The following GRK3 variants were observed in gnomAD, a reference collection of about 807,000 sequenced individuals.
GRK3 encodes adrenergic, beta, receptor kinase 2.
In GRK3, 54 loss-of-function variants were observed where a neutral mutation model predicts 95.7. That is an observed-to-expected ratio of 0.56 (90% CI 0.45 to 0.71). The LOEUF (loss-of-function observed/expected upper bound fraction) is 0.71, where lower values mean the gene tolerates loss of function less well. Among genes scored for constraint, GRK3 ranks in the 30% least tolerant of loss-of-function variants. GRK3 has a pLI of 0.00. For missense variants in GRK3, 649 were observed against 851.2 expected (o/e 0.76, Z 2.96); for synonymous variants, 281 against 290.8 (o/e 0.97, Z 0.34).
At chr22:25,572,119 G>C (rs1488008867) in intron 1 of GRK3, among the ~76,000 whole-genome samples, 2 of 149,172 alleles carry the variant, frequency 1.3e-5, no homozygotes, top group East Asian at 4.0e-4. Context: ...TTGGTTTTCT[G>C]TTCCTGTGTT....
At chr22:25,567,592 A>G (rs1285970799) in intron 1 of GRK3, among the ~76,000 whole-genome samples, 3 of 152,182 alleles carry the variant, frequency 2.0e-5, no homozygotes, top group Admixed American at 1.3e-4. Context: ...ATAAGTTTCT[A>G]TTTCAGCTTC....
At chr22:25,693,106 G>T (rs2085178197) in intron 12 of GRK3, among the ~76,000 whole-genome samples, 1 of 152,214 alleles carries the variant, frequency 6.6e-6, no homozygotes, top group African/African-American at 2.4e-5. Flanking sequence ...AACTTTTGGA[G>T]CTGAGCAGAT....
intron 1 of GRK3, among the ~76,000 whole-genome samples, chr22:25,590,576 T>C (rs1395130559): frequency 2.6e-5 from 4 of 152,096 alleles, no homozygotes; most frequent in Non-Finnish European, 5.9e-5. Flanking sequence ...AATCCTAGCA[T>C]TTTGGAAGGC....
intron 2 of GRK3, 54 bp downstream of exon 2, chr22:25,604,507 G>A (rs1369601139): frequency 5.5e-6 from 7 of 1,273,946 alleles, no homozygotes; most frequent in South Asian, 1.3e-5. Flanking sequence ...GAAATTGGGC[G>A]ATACTATAGT....
rs1376619111 is a variant in GRK3 at position 25,664,821 on chromosome 22, C to A, written c.441+1117C>A. On this transcript the variant is annotated intron_variant, in intron 5 of 20. Coordinates refer to ENST00000324198, the MANE Select transcript of GRK3 (RefSeq NM_005160.4). ...GGCATGAGCCACCATGCCCGGCCAA[C>A]TTTGGCATCTTATGATGGTGTTTAT... Among the ~76,000 whole-genome samples the A allele has an allele frequency of 5.3e-5, 8 of 152,080 alleles. No homozygotes were observed. In the East Asian group the frequency reaches 1.5e-3, roughly 29 times the overall value.
intron 2 of GRK3, among the ~76,000 whole-genome samples, chr22:25,614,205 G>A (rs1413590035): frequency 2.0e-5 from 3 of 152,048 alleles, no homozygotes; most frequent in Non-Finnish European, 4.4e-5. Flanking sequence ...TCAGCTCACT[G>A]CAGCCTCAAC....
intron 1 of GRK3, among the ~76,000 whole-genome samples, chr22:25,588,394 G>A (rs182284864): frequency 2.6e-5 from 4 of 152,334 alleles, no homozygotes; most frequent in African/African-American, 7.2e-5. Flanking sequence ...AACATAGATT[G>A]TCCTGTGCTG....
intron 3 of GRK3, among the ~76,000 whole-genome samples, chr22:25,653,699 A>G (rs193000437): frequency 6.6e-6 from 1 of 152,288 alleles, no homozygotes; most frequent in African/African-American, 2.4e-5. Flanking sequence ...TAGAATTCAC[A>G]TTCTTTTTTT....
chr22:25,726,402 T>C lies in GRK3; in HGVS notation c.*3952T>C, dbSNP rs2085474408. 6.6e-6 allele frequency: 1 copy of C among 152,248 alleles called. No individual in the cohort carries two copies. The highest frequency in any genetic ancestry group is 1.5e-5 in the Non-Finnish European group (1 of 68,054). 9.4% of individuals were successfully genotyped at this position (152,248 alleles called of 1,614,324 possible). On this transcript the variant is annotated 3_prime_UTR_variant, in exon 21 of 21. Coordinates refer to ENST00000324198, the MANE Select transcript of GRK3 (RefSeq NM_005160.4). ...ATGTGCTGGTGTAAGATAAGAGTTA[T>C]CTTGTATGATTTAATCATATGCAGT...
chr22:25,576,208 A>T (rs1213849737), intron 1 of GRK3, among the ~76,000 whole-genome samples: 3 of 151,778 alleles, frequency 2.0e-5, no homozygotes, highest in African/African-American at 7.3e-5. Flanking sequence ...CCCTTGTGGG[A>T]AGCAAAACGA....
At chr22:25,589,589 C>G (rs1307129125) in intron 1 of GRK3, among the ~76,000 whole-genome samples, 1 of 152,030 alleles carries the variant, frequency 6.6e-6, no homozygotes, top group African/African-American at 2.4e-5. Flanking sequence ...AAGTAATAAC[C>G]CTGGACTCTG....
At chr22:25,582,012 G>A (rs1192950042) in intron 1 of GRK3, among the ~76,000 whole-genome samples, 1 of 152,084 alleles carries the variant, frequency 6.6e-6, no homozygotes, top group African/African-American at 2.4e-5. Context: ...GCTGGGCGCG[G>A]TGGCCTGTAA....
At chr22:25,676,733 A>G (rs2085032906) in intron 8 of GRK3, among the ~76,000 whole-genome samples, 1 of 152,132 alleles carries the variant, frequency 6.6e-6, no homozygotes, top group Non-Finnish European at 1.5e-5. Flanking sequence ...CTCTTTGTAC[A>G]CATTTACTAT....
Position 25,721,331 on chromosome 22 carries a change from A to T in GRK3, c.1839A>T (p.Gln613His). The T allele has an allele frequency of 6.2e-7, 1 of 1,607,840 alleles. No individual in the cohort carries two copies. The stretch of plus-strand genomic sequence containing the variant: ...AGATTCTCTCTGTGGAAGAAACTCA[A>T]ATTAAAGACAAAAAATGCATTTTGT... ...MEQILSVEET[Q>H]IKDKKCILFR... The change falls in exon 20 of 21, where the codon CAA (glutamine) becomes CAT (histidine). Residue 613 changes from glutamine (Q) to histidine (H), a missense_variant. Physicochemically the swap from Gln to His is conservative, Grantham distance 24. Transcript: ENST00000324198.
intron 3 of GRK3, among the ~76,000 whole-genome samples, chr22:25,656,241 G>A (rs1601505648): frequency 6.6e-6 from 1 of 152,056 alleles, no homozygotes; most frequent in East Asian, 1.9e-4. Context: ...AATAAATAAT[G>A]GGAAAGAGAA....
chr22:25,594,076 G>A (rs1932587528), intron 1 of GRK3, among the ~76,000 whole-genome samples: 1 of 152,006 alleles, frequency 6.6e-6, no homozygotes, highest in South Asian at 2.1e-4. Flanking sequence ...GATTACTTTG[G>A]CTATTTGGGC....
intron 12 of GRK3, among the ~76,000 whole-genome samples, chr22:25,692,618 A>C (rs2085173715): frequency 6.6e-6 from 1 of 152,216 alleles, no homozygotes; most frequent in South Asian, 2.1e-4. Flanking sequence ...TGTGTCACTC[A>C]CTGAATATCC....
At chr22:25,721,687 C>T (rs567150523) in intron 20 of GRK3, among the ~76,000 whole-genome samples, 2 of 152,164 alleles carry the variant, frequency 1.3e-5, no homozygotes, top group East Asian at 1.9e-4. Flanking sequence ...GAAGATTTTT[C>T]GGCATGTTCG....
At chr22:25,713,346 G>T (rs6004744) in intron 17 of GRK3, among the ~76,000 whole-genome samples, 61 of 152,264 alleles carry the variant, frequency 4.0e-4, no homozygotes, top group African/African-American at 1.4e-3. Context: ...GAAGAAAACA[G>T]AAAGAGGAAA....
Sources: gnomAD v4.1 joint callset for allele counts (sites outside exome capture counted in the v4.1 genomes callset) on GRCh38, gnomAD v4.1.1 for gene constraint, MANE v1.5 for transcripts, NCBI Gene and HGNC (gene_info 2026-07-23, HGNC 2026-07-21) for gene names.